The following KIAA1328 variants were observed in gnomAD, a reference collection of about 807,000 sequenced individuals.
The protein encoded by KIAA1328 is protein hinderin.
A neutral mutation model predicts 68.1 loss-of-function variants in KIAA1328; 52 were observed. The ratio of observed to expected loss-of-function variants is 0.76; its 90% confidence interval spans 0.61 to 0.96. The LOEUF is 0.96. KIAA1328 is among the 40% of genes least tolerant of loss of function. The pLI is 0.00. For missense variants in KIAA1328, 641 were observed against 677.6 expected (o/e 0.95, Z 0.60); for synonymous variants, 232 against 239.4 (o/e 0.97, Z 0.28).
intron 7 of KIAA1328, among the ~76,000 whole-genome samples, chr18:37,124,847 C>T (rs565075261): frequency 1.3e-5 from 2 of 152,270 alleles, no homozygotes; most frequent in East Asian, 3.9e-4. Flanking sequence ...TCTTACATGA[C>T]TGGCTTCTTA....
chr18:37,166,227 A>G lies in KIAA1328; in HGVS notation c.1414+5846A>G, dbSNP rs947072747. 2.6e-5 allele frequency among the ~76,000 whole-genome samples: 4 copies of G among 152,126 alleles called. No individual in the cohort carries two copies. The South Asian group carries it at 8.3e-4, about 31-fold the overall frequency. On this transcript the variant is annotated intron_variant, in intron 8 of 9. Coordinates refer to ENST00000280020, the MANE Select transcript of KIAA1328 (RefSeq NM_020776.3). ...CTACCTTATCAGAACTCTGGAGGAT[A>G]GTGAAAGATTTACAGAAACAAAACC... is the stretch of plus-strand genomic sequence containing the variant.
At chr18:37,000,292 T>G (rs1046557136) in intron 6 of KIAA1328, among the ~76,000 whole-genome samples, 1 of 152,180 alleles carries the variant, frequency 6.6e-6, no homozygotes, top group African/African-American at 2.4e-5. Context: ...AAAGGATCAA[T>G]GCAGCAAGAG....
At chr18:36,996,584 C>A (rs895259) in intron 6 of KIAA1328, among the ~76,000 whole-genome samples, 111,303 of 151,888 alleles carry the variant, frequency 0.73, 43,916 homozygotes, top group South Asian at 0.89. Flanking sequence ...ATCTTACCAT[C>A]GTTTAAGGCT....
chr18:37,140,727 T>C (rs2058748110), intron 7 of KIAA1328, among the ~76,000 whole-genome samples: 1 of 152,194 alleles, frequency 6.6e-6, no homozygotes, highest in Admixed American at 6.5e-5. Flanking sequence ...TGATTATTTT[T>C]TCATCACTTT....
chr18:37,035,835 T>C (rs1204484672), intron 6 of KIAA1328, among the ~76,000 whole-genome samples: 2 of 152,224 alleles, frequency 1.3e-5, no homozygotes. Context: ...AAAACCAGTT[T>C]GAAATGTACT....
intron 3 of KIAA1328, among the ~76,000 whole-genome samples, chr18:36,840,782 G>T (rs746225762): frequency 6.6e-6 from 1 of 152,082 alleles, no homozygotes; most frequent in Non-Finnish European, 1.5e-5. Context: ...TGTAGTCTTT[G>T]TTGGTATTGA....
At chr18:37,125,556 C>T (rs1302280767) in intron 7 of KIAA1328, among the ~76,000 whole-genome samples, 1 of 151,936 alleles carries the variant, frequency 6.6e-6, no homozygotes, top group Non-Finnish European at 1.5e-5. Flanking sequence ...ATCAATGAAA[C>T]CCAAAGCTAG....
intron 9 of KIAA1328, among the ~76,000 whole-genome samples, chr18:37,209,605 G>A (rs771990586): frequency 2.0e-5 from 3 of 152,152 alleles, no homozygotes; most frequent in Admixed American, 6.5e-5. Context: ...AAACAAAGAC[G>A]TTGTTGAATG....
At chr18:37,088,579 T>A (rs1233755291) in intron 7 of KIAA1328, among the ~76,000 whole-genome samples, 1 of 152,006 alleles carries the variant, frequency 6.6e-6, no homozygotes, top group African/African-American at 2.4e-5. Flanking sequence ...TTAATTTTTT[T>A]ATTTTTAATA....
chr18:36,972,877 G>A (rs1026466411), intron 6 of KIAA1328, among the ~76,000 whole-genome samples: 2 of 152,120 alleles, frequency 1.3e-5, no homozygotes, highest in African/African-American at 4.8e-5. Flanking sequence ...CACACATTGA[G>A]CCTGAAACAG....
intron 5 of KIAA1328, among the ~76,000 whole-genome samples, chr18:36,918,399 C>A (rs1192889954): frequency 5.7e-5 from 8 of 140,442 alleles, no homozygotes; most frequent in East Asian, 2.1e-4. Context: ...AAATGAAGAT[C>A]ATTGTTTTTA....
intron 8 of KIAA1328, among the ~76,000 whole-genome samples, chr18:37,169,217 G>T (rs1363296342): frequency 6.6e-6 from 1 of 150,646 alleles, no homozygotes. Context: ...CCGGGCTGGA[G>T]TGCAGTGGCA....
intron 5 of KIAA1328, among the ~76,000 whole-genome samples, chr18:36,953,022 T>A (rs2051226808): frequency 6.6e-6 from 1 of 151,716 alleles, no homozygotes; most frequent in African/African-American, 2.4e-5. Context: ...AAAGTTTTCC[T>A]GCAATGTTTT....
chr18:36,841,052 C>G (rs530469418), intron 3 of KIAA1328, among the ~76,000 whole-genome samples: 2 of 151,906 alleles, frequency 1.3e-5, no homozygotes, highest in Non-Finnish European at 2.9e-5. Flanking sequence ...GATAAGTGTC[C>G]TTTTTGCTAG....
chr18:37,226,858 C>T (rs1327097584), downstream of KIAA1328, among the ~76,000 whole-genome samples: 1 of 151,942 alleles, frequency 6.6e-6, no homozygotes, highest in Non-Finnish European at 1.5e-5. Context: ...ACCTCCGCCT[C>T]CCGGGTTCAA....
intron 5 of KIAA1328, among the ~76,000 whole-genome samples, chr18:36,948,016 C>G (rs1045578488): frequency 1.3e-5 from 2 of 152,080 alleles, no homozygotes; most frequent in Admixed American, 1.3e-4. Context: ...GTTTGACCTC[C>G]CCTTCCCATC....
At chr18:36,868,833 A>G (rs2047845336) in intron 4 of KIAA1328, among the ~76,000 whole-genome samples, 1 of 152,148 alleles carries the variant, frequency 6.6e-6, no homozygotes, top group Admixed American at 6.5e-5. Context: ...ACAGTTTGCT[A>G]TTTGTACTTG....
intron 6 of KIAA1328, among the ~76,000 whole-genome samples, chr18:37,008,281 C>CGG (rs2151479689): frequency 6.6e-6 from 1 of 152,302 alleles, no homozygotes; most frequent in Non-Finnish European, 1.5e-5. Flanking sequence ...GCTATGCATG[C>CGG]ACAAAGCAGA....
intron 6 of KIAA1328, among the ~76,000 whole-genome samples, chr18:36,965,561 G>A (rs1046174813): frequency 8.2e-5 from 12 of 146,934 alleles, no homozygotes; most frequent in African/African-American, 3.0e-4. Flanking sequence ...AGTAGAGACG[G>A]GGTTTCACCA....
Sources: gnomAD v4.1 joint callset for allele counts (sites outside exome capture counted in the v4.1 genomes callset) on GRCh38, gnomAD v4.1.1 for gene constraint, MANE v1.5 for transcripts, NCBI Gene and HGNC (gene_info 2026-07-23, HGNC 2026-07-21) for gene names.